CDH13: variants seen among roughly 807,000 people sequenced by gnomAD.
CDH13 encodes the protein cadherin 13.
Under a neutral mutation model 63.8 loss-of-function variants are expected in CDH13, and 24 were observed. The observed-to-expected ratio is 0.38, with a 90% CI of 0.27 to 0.53. The LOEUF (loss-of-function observed/expected upper bound fraction) is 0.53, where lower values mean the gene tolerates loss of function less well. Ranked by LOEUF, CDH13 falls within the 20% of genes least tolerant of loss-of-function variation. CDH13 has a pLI of 0.85. For missense variants in CDH13, 1,049 were observed against 903.1 expected, an observed-to-expected ratio of 1.16 and a Z score of -2.07; for synonymous variants, 503 against 355.3, an observed-to-expected ratio of 1.42 and a Z score of -4.67.
At chr16:82,947,517 T>G (rs1904863346) in intron 2 of CDH13, among the ~76,000 whole-genome samples, 1 of 152,168 alleles carries the variant, frequency 6.6e-6, no homozygotes, top group South Asian at 2.1e-4. Context: ...ATTTGCTTAT[T>G]GTATGTAATT....
At chr16:83,628,731 C>G (rs184375253) in intron 8 of CDH13, among the ~76,000 whole-genome samples, 24 of 152,130 alleles carry the variant, frequency 1.6e-4, no homozygotes, top group African/African-American at 5.8e-4. Flanking sequence ...TAGCTGGGCC[C>G]GTGTTATTCA....
chr16:82,953,854 A>G (rs1905652379), intron 2 of CDH13: 1 of 152,200 alleles, frequency 6.6e-6, no homozygotes, highest in Non-Finnish European at 1.5e-5. Context: ...CAACGACAAT[A>G]ATAATGATGA....
intron 3 of CDH13, among the ~76,000 whole-genome samples, chr16:83,119,037 G>A (rs542677246): frequency 3.9e-5 from 6 of 151,956 alleles, no homozygotes; most frequent in Non-Finnish European, 5.9e-5. Flanking sequence ...CCATGTAATC[G>A]CCTAGCACAC....
intron 2 of CDH13, among the ~76,000 whole-genome samples, chr16:82,925,371 C>G (rs2042271930): frequency 6.6e-6 from 1 of 152,182 alleles, no homozygotes; most frequent in Admixed American, 6.5e-5. Context: ...GCCAGTCCCA[C>G]CCACTGATCA....
chr16:83,137,551 G>A (rs189803345), intron 4 of CDH13, among the ~76,000 whole-genome samples: 152 of 152,264 alleles, frequency 1.0e-3, no homozygotes, highest in African/African-American at 3.4e-3. Flanking sequence ...CCACTGCCTC[G>A]CTTCAGACAA....
intron 10 of CDH13, among the ~76,000 whole-genome samples, chr16:83,700,358 C>G (rs1893319812): frequency 6.6e-6 from 1 of 152,192 alleles, no homozygotes; most frequent in East Asian, 1.9e-4. Context: ...CGGAAACATG[C>G]CAGAAGACCA....
chr16:82,972,037 C>T (rs889455498), intron 2 of CDH13, among the ~76,000 whole-genome samples: 28 of 152,192 alleles, frequency 1.8e-4, no homozygotes, highest in Admixed American at 1.1e-3. Context: ...CAGCGACTTG[C>T]ACAGATGTGC....
In CDH13 at chr16:83,047,738, T is replaced by C. The variant is rs1917932130; in HGVS notation, c.366+15520T>C. On this transcript the variant is annotated intron_variant, in intron 3 of 13. Transcript: ENST00000567109. The surrounding 1 kb of genome is among the most constrained non-coding windows in gnomAD (Gnocchi z 4.9). ...GCAAATGCTGGAGACAGAATGAATA[T>C]TGATATTAATAATGCAGATCGTAGT... 6.6e-6 allele frequency among the ~76,000 whole-genome samples: 1 copy of C among 152,226 alleles called. No individual in the cohort carries two copies. The highest frequency in any genetic ancestry group is 2.4e-5 in the African/African-American group (1 of 41,458).
rs529699566 is a variant in CDH13 at position 83,608,409 on chromosome 16, A to G, written c.1101+5815A>G. On this transcript the variant is annotated intron_variant, in intron 8 of 13. Transcript: ENST00000567109. ...AATGAATGCTGGAGTCCAGGCTCCA[A>G]TTTCTAAAAGTCAGTGTGGAGTCCT... 3.3e-5 allele frequency among the ~76,000 whole-genome samples: 5 copies of G among 152,328 alleles called. No individual in the cohort carries two copies. In the South Asian group the frequency reaches 8.3e-4, roughly 25 times the overall value.
intron 6 of CDH13, among the ~76,000 whole-genome samples, chr16:83,356,968 G>A (rs2091068768): frequency 6.6e-6 from 1 of 152,048 alleles, no homozygotes; most frequent in Admixed American, 6.5e-5. Context: ...TTTCTTTCTT[G>A]CTCCAGTTTT....
At chr16:82,896,470 T>C (rs991257641) in intron 2 of CDH13, among the ~76,000 whole-genome samples, 1 of 149,448 alleles carries the variant, frequency 6.7e-6, no homozygotes, top group African/African-American at 2.5e-5. Context: ...ATTTTTGTAT[T>C]TTTTTTTTAG....
chr16:82,788,302 C>G (rs1305245626), intron 1 of CDH13, among the ~76,000 whole-genome samples: 2 of 152,168 alleles, frequency 1.3e-5, no homozygotes, highest in Non-Finnish European at 2.9e-5. Flanking sequence ...CACATAAGCT[C>G]GTTACTACCC....
intron 2 of CDH13, among the ~76,000 whole-genome samples, chr16:83,029,038 G>A (rs1916073156): frequency 6.6e-6 from 1 of 152,124 alleles, no homozygotes; most frequent in Non-Finnish European, 1.5e-5. Flanking sequence ...GAAACTGTAG[G>A]AGAAGGGGAT....
At chr16:82,746,078 C>G (rs1207034056) in intron 1 of CDH13, among the ~76,000 whole-genome samples, 1 of 151,762 alleles carries the variant, frequency 6.6e-6, no homozygotes. Context: ...GGGAATCTAT[C>G]TATGTCTTTC....
At chr16:83,145,839 A>G (rs184429862) in intron 4 of CDH13, among the ~76,000 whole-genome samples, 13 of 152,284 alleles carry the variant, frequency 8.5e-5, no homozygotes, top group African/African-American at 2.9e-4. Flanking sequence ...ACCTTTAGGT[A>G]GAATGATCAG....
intron 4 of CDH13, among the ~76,000 whole-genome samples, chr16:83,165,135 T>C (rs897460777): frequency 6.6e-6 from 1 of 151,452 alleles, no homozygotes; most frequent in Admixed American, 6.6e-5. Flanking sequence ...TGTAAGAATT[T>C]AGGAATCCCT....
intron 5 of CDH13, among the ~76,000 whole-genome samples, chr16:83,322,642 G>A (rs1317219912): frequency 6.6e-6 from 1 of 152,122 alleles, no homozygotes; most frequent in Non-Finnish European, 1.5e-5. Flanking sequence ...AGTGAGCAGG[G>A]GGTGCCCAGA....
chr16:83,593,141 T>G (rs943737864), intron 7 of CDH13, among the ~76,000 whole-genome samples: 1 of 152,240 alleles, frequency 6.6e-6, no homozygotes, highest in African/African-American at 2.4e-5. Context: ...GGGAAGAATG[T>G]GGTCCCTGTT....
chr16:83,240,821 C>G (rs984697040), intron 5 of CDH13, among the ~76,000 whole-genome samples: 1 of 149,346 alleles, frequency 6.7e-6, no homozygotes, highest in African/African-American at 2.5e-5. Flanking sequence ...CTCAGTCCCC[C>G]AAGAAGCTGG....
Sources: allele counts gnomAD v4.1 joint callset (sites outside exome capture counted in the v4.1 genomes callset), GRCh38; gene constraint gnomAD v4.1.1; non-coding constraint Gnocchi (gnomAD v3.1); transcripts MANE v1.5; gene names NCBI Gene and HGNC (gene_info 2026-07-23, HGNC 2026-07-21).